Variants in PCDHGB6 observed in about 807,000 individuals in gnomAD.
PCDHGB6 encodes the protein protocadherin gamma-B6.
PCDHGB6 carries 51 observed loss-of-function variants against 59.1 expected under a neutral mutation model. That is an observed-to-expected ratio of 0.86 (90% CI 0.69 to 1.09). The LOEUF (loss-of-function observed/expected upper bound fraction) is 1.09, where lower values mean the gene tolerates loss of function less well. Ranked by LOEUF, PCDHGB6 falls within the 50% of genes least tolerant of loss-of-function variation. The pLI is 0.00. For missense variants in PCDHGB6, 1,148 were observed against 1,205.1 expected, an observed-to-expected ratio of 0.95 and a Z score of 0.70; for synonymous variants, 466 against 495.1, an observed-to-expected ratio of 0.94 and a Z score of 0.78.
chr5:141,454,908 C>T (rs1370482009), intron 1 of PCDHGB6, among the ~76,000 whole-genome samples: 3 of 145,392 alleles, frequency 2.1e-5, no homozygotes, highest in Non-Finnish European at 4.5e-5. Context: ...CCCGGGTTCA[C>T]GCCATTCTCC....
chr5:141,419,610 C>T (rs779657777), intron 1 of PCDHGB6: 162 of 1,612,012 alleles, frequency 1.0e-4, no homozygotes, highest in Non-Finnish European at 1.3e-4. Flanking sequence ...GCCGCGCAGC[C>T]AGGCTACCTG....
chr5:141,436,743 C>A (rs991678215), intron 1 of PCDHGB6, among the ~76,000 whole-genome samples: 3 of 152,158 alleles, frequency 2.0e-5, no homozygotes, highest in Non-Finnish European at 4.4e-5. Flanking sequence ...TTTTTGTGTG[C>A]TTCTCCATAT....
In PCDHGB6 at chr5:141,493,211, G is replaced by C. The variant is rs1312763933; in HGVS notation, c.2419-1596G>C. Reference sequence around the variant, plus strand: ...CTCCTTTGAGAACCTCATCTCATTTGCTCTTCCCACCATTGCTGTTGGCTA... The same window carrying C: ...CTCCTTTGAGAACCTCATCTCATTTCCTCTTCCCACCATTGCTGTTGGCTA... On this transcript the variant is annotated intron_variant, in intron 1 of 3. Transcript: ENST00000520790. The surrounding 1 kb of genome is among the most constrained non-coding windows in gnomAD (Gnocchi z 4.3). 6.6e-6 allele frequency among the ~76,000 whole-genome samples: 1 copy of C among 152,180 alleles called. No individual in the cohort carries two copies. The highest frequency in any genetic ancestry group is 2.4e-5 in the African/African-American group (1 of 41,436).
chr5:141,430,534 C>CT (rs962032641), intron 1 of PCDHGB6: 2 of 381,726 alleles, frequency 5.2e-6, no homozygotes, highest in Non-Finnish European at 9.2e-6. Context: ...GGTTAGGACT[C>CT]TGAGCGCCGC....
At chr5:141,417,602 C>T (rs556223277) in intron 1 of PCDHGB6, 2 of 510,170 alleles carry the variant, frequency 3.9e-6, no homozygotes, top group Admixed American at 3.8e-5. Context: ...TGGGCGCCGC[C>T]GTCGGCCAGT....
At position 141,509,122 on chromosome 5, in the gene PCDHGB6, G is replaced by A. The variant is rs2099875312; in HGVS notation, c.2567-1825G>A. 2.0e-5 allele frequency among the ~76,000 whole-genome samples: 3 copies of A among 152,154 alleles called. No homozygotes were observed. In the South Asian group the frequency reaches 6.2e-4, roughly 32 times the overall value. The stretch of plus-strand genomic sequence containing the variant: ...AGAAACCTGAGCGCTGGTGCGTGAA[G>A]AGAAAAACCGAGGCGCATCCCGGCT... On this transcript the variant is annotated intron_variant, in intron 3 of 3. Transcript: ENST00000520790.
rs149553852 is a variant in PCDHGB6 at position 141,415,009 on chromosome 5, C to G, written c.2418+4389C>G. 3.1e-6 allele frequency: 5 copies of G among 1,613,544 alleles called. No homozygotes were observed. The East Asian group carries it at 1.1e-4, about 36-fold the overall frequency. On this transcript the variant is annotated intron_variant, in intron 1 of 3. Transcript: ENST00000520790. The stretch of plus-strand genomic sequence containing the variant: ...CCAGAACGCCTGGCTGTCCTACCGT[C>G]TGCTCAAGGCCAGCGAGCCGGGACT...
At chr5:141,478,586 T>C (rs754157570) in intron 1 of PCDHGB6, 6 of 1,576,788 alleles carry the variant, frequency 3.8e-6, no homozygotes, top group Non-Finnish European at 3.4e-6. Context: ...GTTAGTGCTT[T>C]TTTATTCCTA....
At position 141,477,677 on chromosome 5, in the gene PCDHGB6, TC is replaced by T; in HGVS notation, c.2419-17128del. On this transcript the variant is annotated intron_variant, in intron 1 of 3. Transcript: ENST00000520790. This position sits in a 1 kb window ranked among gnomAD's most constrained non-coding sequence, Gnocchi z 4.9. ...AAATCGTGACAATGGCATAGTGTCA[TC>T]CTTAGTGCCCCTAGACTATGAGGAT... 1 of 1,614,174 alleles carries T rather than the reference TC, an allele frequency of 6.2e-7. No homozygotes were observed. The highest frequency in any genetic ancestry group is 8.5e-7 in the Non-Finnish European group (1 of 1,180,038).
intron 1 of PCDHGB6, chr5:141,422,542 G>T (rs368252552): frequency 1.2e-5 from 19 of 1,613,878 alleles, no homozygotes; most frequent in Admixed American, 1.7e-5. Context: ...AGAAACTCAT[G>T]TCTGGCTGAA....
In PCDHGB6 at chr5:141,493,356, C is replaced by G. The variant is rs1303319550; in HGVS notation, c.2419-1451C>G. On this transcript the variant is annotated intron_variant, in intron 1 of 3. Transcript: ENST00000520790. The surrounding 1 kb of genome is among the most constrained non-coding windows in gnomAD (Gnocchi z 4.3). ...ACTCCAGAATGTGTGCTTTTAATTT[C>G]TTGGCACTTGGAACTTTAAAAGCTT... Among the ~76,000 whole-genome samples the G allele has an allele frequency of 6.6e-6, 1 of 152,182 alleles. No individual in the cohort carries two copies. The highest frequency in any genetic ancestry group is 1.5e-5 in the Non-Finnish European group (1 of 68,032).
chr5:141,462,375 T>G (rs2099038282), intron 1 of PCDHGB6, among the ~76,000 whole-genome samples: 1 of 152,252 alleles, frequency 6.6e-6, no homozygotes, highest in Non-Finnish European at 1.5e-5. Context: ...TTCTATTCTT[T>G]TAAATTCGTT....
chr5:141,501,509 C>T lies in PCDHGB6; in HGVS notation c.2478-3884C>T, dbSNP rs1046763108. 4.6e-5 allele frequency among the ~76,000 whole-genome samples: 7 copies of T among 152,080 alleles called. No individual in the cohort carries two copies. The South Asian group carries it at 6.2e-4, about 14-fold the overall frequency. On this transcript the variant is annotated intron_variant, in intron 2 of 3. Transcript: ENST00000520790. The stretch of plus-strand genomic sequence containing the variant: ...ATATCTGCTGCTGGGGCTCCAAGGC[C>T]TCCAAGCTGAAGCCCAGTACGTTGT...
At position 141,491,700 on chromosome 5, in the gene PCDHGB6, G is replaced by A. The variant is rs1199177466; in HGVS notation, c.2419-3107G>A. 3.1e-6 allele frequency: 5 copies of A among 1,611,830 alleles called. No homozygotes were observed. The highest frequency in any genetic ancestry group is 4.2e-6 in the Non-Finnish European group (5 of 1,179,142). On this transcript the variant is annotated intron_variant, in intron 1 of 3. Coordinates refer to ENST00000520790, the MANE Select transcript of PCDHGB6 (RefSeq NM_018926.3). The surrounding 1 kb of genome is among the most constrained non-coding windows in gnomAD (Gnocchi z 6.9). ...CTAATACGCTGCGGGAGCGGAGCCA[G>A]GTGAGGGGCTCGGCGCCGCCCCGGG...
At position 141,511,481 on chromosome 5, in the gene PCDHGB6, ACTC is replaced by A. The variant is rs2154594681; in HGVS notation, c.*313_*315del. On this transcript the variant is annotated 3_prime_UTR_variant, in exon 4 of 4. Coordinates refer to ENST00000520790, the MANE Select transcript of PCDHGB6 (RefSeq NM_018926.3). ...CCACACCCCGTTTAGTTACAGCTGAACTCCTCCATCTTCCAAATCAATCAGGCC... is the reference window on the plus strand; with the variant it reads ...CCACACCCCGTTTAGTTACAGCTGAACTCCATCTTCCAAATCAATCAGGCC... 2 of 464,080 alleles carry A rather than the reference ACTC, an allele frequency of 4.3e-6. No individual in the cohort carries two copies. The highest frequency in any genetic ancestry group is 7.7e-6 in the Non-Finnish European group (2 of 260,856). The allele number at this position is 464,080 out of a possible 1,614,324, so 28.7% of individuals were successfully genotyped here.
In PCDHGB6 at chr5:141,431,775, A is replaced by T; in HGVS notation, c.2418+21155A>T. 6.2e-7 allele frequency: 1 copy of T among 1,614,204 alleles called. No homozygotes were observed. Among genetic ancestry groups the T allele is most frequent in the Non-Finnish European group, 8.5e-7 (1 of 1,180,024 alleles). ...GCCAAAGTCCTGATCACTGTTCTGG[A>T]CGTGAACGACAATGCCCCAGAAGTG... On this transcript the variant is annotated intron_variant, in intron 1 of 3. Transcript: ENST00000520790. This position sits in a 1 kb window ranked among gnomAD's most constrained non-coding sequence, Gnocchi z 4.8.
At chr5:141,414,904 A>G in intron 1 of PCDHGB6, 2 of 1,614,190 alleles carry the variant, frequency 1.2e-6, no homozygotes, top group Non-Finnish European at 1.7e-6. Context: ...AGACGGTTCC[A>G]CAGGCGTGGA....
chr5:141,428,148 G>A (rs774961575), intron 1 of PCDHGB6: 6 of 1,588,024 alleles, frequency 3.8e-6, no homozygotes, highest in East Asian at 4.5e-5. Flanking sequence ...GCTGCACACG[G>A]GAACCTGCTG....
intron 1 of PCDHGB6, chr5:141,478,825 T>G: frequency 1.4e-6 from 2 of 1,441,878 alleles, no homozygotes; most frequent in East Asian, 5.0e-5. Context: ...TAACCAATCT[T>G]GCTAAGGGAT....
Sources: gnomAD v4.1 joint callset for allele counts (sites outside exome capture counted in the v4.1 genomes callset) on GRCh38, gnomAD v4.1.1 for gene constraint, Gnocchi (gnomAD v3.1) non-coding constraint, MANE v1.5 for transcripts, NCBI Gene and HGNC (gene_info 2026-07-23, HGNC 2026-07-21) for gene names.